The following HMBOX1 variants were observed in gnomAD, a reference collection of about 807,000 sequenced individuals.
HMBOX1 encodes the protein homeobox-containing protein 1.
In HMBOX1, 14 loss-of-function variants were observed where a neutral mutation model predicts 54.5. That is an observed-to-expected ratio of 0.26 (90% confidence interval 0.17 to 0.40). HMBOX1 has a LOEUF of 0.40. Among genes scored for constraint, HMBOX1 ranks in the 10% least tolerant of loss-of-function variants. The pLI is 1.00. For missense variants in HMBOX1, 332 were observed against 514.4 expected, an observed-to-expected ratio of 0.65 and a Z score of 3.43; for synonymous variants, 160 against 181.0, an observed-to-expected ratio of 0.88 and a Z score of 0.93.
intron 6 of HMBOX1, among the ~76,000 whole-genome samples, chr8:29,036,265 A>G (rs1387876048): frequency 6.6e-6 from 1 of 152,226 alleles, no homozygotes; most frequent in African/African-American, 2.4e-5. Context: ...CATGGTGTCC[A>G]TAATTCTTAT....
At chr8:29,040,916 C>T (rs6558090) in intron 6 of HMBOX1, among the ~76,000 whole-genome samples, 143,726 of 152,208 alleles carry the variant, frequency 0.94, 68,439 homozygotes, top group African/African-American at 0.99. Flanking sequence ...CATGAATAAT[C>T]GCGAATTCTA....
At chr8:28,912,944 A>G (rs939273081) in intron 1 of HMBOX1, among the ~76,000 whole-genome samples, 2 of 152,246 alleles carry the variant, frequency 1.3e-5, no homozygotes, top group Admixed American at 6.5e-5. Flanking sequence ...ATTGTAGGAA[A>G]TGACACCAAC....
chr8:29,002,108 A>AG (rs1204724052), intron 4 of HMBOX1, among the ~76,000 whole-genome samples: 3 of 152,138 alleles, frequency 2.0e-5, no homozygotes, highest in Non-Finnish European at 4.4e-5. Flanking sequence ...GTTTTGGTTC[A>AG]GGGGGGTCTC....
rs917074054 is a variant in HMBOX1 at position 28,908,088 on chromosome 8, A to G, written c.-58+17410A>G. Among the ~76,000 whole-genome samples, 29 of 152,102 alleles carry G rather than the reference A, an allele frequency of 1.9e-4. 1 individual carries two copies. The highest frequency in any genetic ancestry group is 1.3e-3 in the Admixed American group (20 of 15,262). On this transcript the variant is annotated intron_variant, in intron 1 of 9. Coordinates refer to ENST00000287701, the MANE Select transcript of HMBOX1 (RefSeq NM_001135726.3). ...GGCTGGTTTCAAACTCCTGGCCTCA[A>G]GTGATTTGCCTGCATCAGCCTCCCA...
chr8:28,907,152 A>G (rs1011228607), intron 1 of HMBOX1, among the ~76,000 whole-genome samples: 1 of 152,254 alleles, frequency 6.6e-6, no homozygotes, highest in African/African-American at 2.4e-5. Context: ...GAAGCACAGT[A>G]ACCTTTTAAG....
At chr8:28,933,150 A>G (rs746837071) in intron 1 of HMBOX1, among the ~76,000 whole-genome samples, 8 of 152,172 alleles carry the variant, frequency 5.3e-5, no homozygotes, top group Non-Finnish European at 1.0e-4. Flanking sequence ...TAAATAATCT[A>G]TCATGGTCTA....
chr8:28,895,568 G>A (rs1039787703), intron 1 of HMBOX1, among the ~76,000 whole-genome samples: 6 of 152,060 alleles, frequency 3.9e-5, no homozygotes, highest in Admixed American at 2.6e-4. Flanking sequence ...CCAGCTACTC[G>A]GGAGGCTGAG....
At chr8:29,048,066 A>C (rs1038509177) in intron 8 of HMBOX1, among the ~76,000 whole-genome samples, 1 of 152,196 alleles carries the variant, frequency 6.6e-6, no homozygotes, top group Admixed American at 6.5e-5. Context: ...CATTTGAAAG[A>C]TACTTGTAAG....
At chr8:28,933,716 T>C (rs1166107285) in intron 1 of HMBOX1, among the ~76,000 whole-genome samples, 1 of 152,214 alleles carries the variant, frequency 6.6e-6, no homozygotes, top group Non-Finnish European at 1.5e-5. Flanking sequence ...GTCAGATTTC[T>C]TGATGGACAC....
intron 5 of HMBOX1, among the ~76,000 whole-genome samples, chr8:29,014,267 G>A (rs977899133): frequency 4.4e-4 from 57 of 130,194 alleles, no homozygotes; most frequent in African/African-American, 1.5e-3. Flanking sequence ...ACTTAGATGG[G>A]GGGAAAAAAG....
At chr8:29,009,433 A>G (rs1340958400) in intron 5 of HMBOX1, 1 of 979,192 alleles carries the variant, frequency 1.0e-6, no homozygotes, top group African/African-American at 1.8e-5. Context: ...GTTATATGAT[A>G]TTTCTAGCCA....
chr8:29,014,701 A>G (rs1311897127), intron 5 of HMBOX1, among the ~76,000 whole-genome samples: 3 of 151,960 alleles, frequency 2.0e-5, no homozygotes, highest in Non-Finnish European at 2.9e-5. Flanking sequence ...CCACCCCGAG[A>G]TGGAGTATCA....
chr8:28,910,532 A>G (rs932914709), intron 1 of HMBOX1, among the ~76,000 whole-genome samples: 5 of 152,232 alleles, frequency 3.3e-5, no homozygotes, highest in Admixed American at 3.3e-4. Flanking sequence ...CAGTTTCTTC[A>G]CATCCTTGTC....
chr8:28,937,135 TG>T (rs1011645637), intron 1 of HMBOX1, among the ~76,000 whole-genome samples: 2 of 152,182 alleles, frequency 1.3e-5, no homozygotes, highest in Non-Finnish European at 2.9e-5. Flanking sequence ...ATAGCTGGGA[TG>T]GAAAAAGAGA....
intron 1 of HMBOX1, among the ~76,000 whole-genome samples, chr8:28,925,649 AATCTC>A (rs995008261): frequency 5.3e-5 from 8 of 152,112 alleles, no homozygotes; most frequent in African/African-American, 1.4e-4. Context: ...TGAAAAAAAA[AATCTC>A]TCTCATTATT....
At chr8:28,964,611 T>A (rs1826136700) in intron 2 of HMBOX1, among the ~76,000 whole-genome samples, 1 of 152,228 alleles carries the variant, frequency 6.6e-6, no homozygotes, top group Non-Finnish European at 1.5e-5. Flanking sequence ...TAAAATTTGA[T>A]GGAGTCTCCA....
intron 1 of HMBOX1, among the ~76,000 whole-genome samples, chr8:28,958,574 G>C (rs1465700145): frequency 6.6e-6 from 1 of 152,110 alleles, no homozygotes; most frequent in African/African-American, 2.4e-5. Context: ...CGTAATCTCT[G>C]TAGTTCCTAA....
chr8:29,049,216 G>C, intron 9 of HMBOX1, 168 bp downstream of exon 9: 3 of 1,504,616 alleles, frequency 2.0e-6, no homozygotes, highest in South Asian at 1.3e-5. Flanking sequence ...AAAGGAATGT[G>C]GTAAGATTCA....
chr8:29,051,773 G>C lies in HMBOX1; in HGVS notation c.*618G>C. The stretch of plus-strand genomic sequence containing the variant: ...ATGGAAAAAGCCGATCTCAGATTTT[G>C]TTTGAAGTTAACATGCCTGACACAG... On this transcript the variant is annotated 3_prime_UTR_variant, in exon 10 of 10. Transcript: ENST00000287701. The C allele has an allele frequency of 7.0e-6, 4 of 568,804 alleles. No homozygotes were observed. The South Asian group carries it at 8.8e-5, about 13-fold the overall frequency. 35.2% of individuals were successfully genotyped at this position (568,804 alleles called of 1,614,324 possible).
Sources: gnomAD v4.1 joint callset for allele counts (sites outside exome capture counted in the v4.1 genomes callset) on GRCh38, gnomAD v4.1.1 for gene constraint, MANE v1.5 for transcripts, NCBI Gene and HGNC (gene_info 2026-07-23, HGNC 2026-07-21) for gene names.